Variants in PRKCZ observed in about 807,000 individuals in gnomAD.
PRKCZ encodes the protein protein kinase C zeta, also known as protein kinase C zeta type.
In PRKCZ, 33 loss-of-function variants were observed where a neutral mutation model predicts 79.5. The ratio of observed to expected loss-of-function variants is 0.41; its 90% confidence interval spans 0.31 to 0.55. The LOEUF (loss-of-function observed/expected upper bound fraction) is 0.55, where lower values mean the gene tolerates loss of function less well. PRKCZ is among the 20% of genes least tolerant of loss of function. The pLI, the probability that PRKCZ is intolerant of heterozygous loss-of-function variation, is 0.19. For missense variants in PRKCZ, 578 were observed against 813.5 expected (o/e 0.71, Z 3.52); for synonymous variants, 342 against 320.9 (o/e 1.07, Z -0.70).
intron 4 of PRKCZ, among the ~76,000 whole-genome samples, chr1:2,076,562 AG>A (rs1662458025): frequency 6.6e-6 from 1 of 152,058 alleles, no homozygotes; most frequent in South Asian, 2.1e-4. Context: ...GCCAACATGG[AG>A]AAACCCCGGC....
At chr1:2,141,345 C>CTTTT (rs144339432) in intron 5 of PRKCZ, 1 of 123,570 alleles carries the variant, frequency 8.1e-6, no homozygotes, top group African/African-American at 3.2e-5. Context: ...TTTTCTTTTT[C>CTTTT]TTTTTTTTTT....
chr1:2,053,929 G>A (rs1419585219), intron 1 of PRKCZ, among the ~76,000 whole-genome samples: 1 of 152,178 alleles, frequency 6.6e-6, no homozygotes, highest in Non-Finnish European at 1.5e-5. Flanking sequence ...GGGCACTGGG[G>A]GCAGGTGCTG....
chr1:2,169,404 G>A, intron 10 of PRKCZ, 114 bp from the exon 11 acceptor site: 3 of 893,360 alleles, frequency 3.4e-6, no homozygotes, highest in Non-Finnish European at 5.4e-6. Context: ...CTCTTTGCAA[G>A]ACTGAACCTG....
At chr1:2,103,343 A>G (rs570803133) in intron 4 of PRKCZ, among the ~76,000 whole-genome samples, 1 of 152,360 alleles carries the variant, frequency 6.6e-6, no homozygotes, top group East Asian at 1.9e-4. Flanking sequence ...CTGCCGCAGT[A>G]GTAAGGGTTT....
At position 2,098,743 on chromosome 1, in the gene PRKCZ, G is replaced by A. The variant is rs187796196; in HGVS notation, c.335-36519G>A. ...GTCGCCCAGGCTGGAGTGCAGTGGC[G>A]TGATCTCGGCTCACTGCGAGCTCCA... On this transcript the variant is annotated intron_variant, in intron 4 of 17. Transcript: ENST00000378567. Among the ~76,000 whole-genome samples the A allele has an allele frequency of 3.3e-3, 495 of 152,176 alleles. 1 individual carries two copies. The highest frequency in any genetic ancestry group is 0.011 in the African/African-American group (467 of 41,492).
intron 4 of PRKCZ, among the ~76,000 whole-genome samples, chr1:2,130,352 T>A (rs769394620): frequency 2.0e-5 from 3 of 152,162 alleles, no homozygotes; most frequent in Non-Finnish European, 4.4e-5. Flanking sequence ...CTGGGGGTAT[T>A]GGGTGTCCTG....
chr1:2,164,662 C>G (rs1682983555), intron 10 of PRKCZ, among the ~76,000 whole-genome samples: 1 of 152,256 alleles, frequency 6.6e-6, no homozygotes, highest in Admixed American at 6.5e-5. Context: ...GGCGTCTGAT[C>G]TCTAGCTTCC....
intron 4 of PRKCZ, among the ~76,000 whole-genome samples, chr1:2,087,175 C>T (rs540189141): frequency 3.9e-5 from 6 of 152,158 alleles, no homozygotes; most frequent in African/African-American, 1.2e-4. Context: ...CACTGCCTCC[C>T]GGGTTCAATT....
In PRKCZ at chr1:2,127,763, G is replaced by A. The variant is rs1674230274; in HGVS notation, c.335-7499G>A. ...ATTGTCCCTGGCAGCCCCTGGCCAG[G>A]GTGGCCCAGTGCCCACTATAGAGGG... On this transcript the variant is annotated intron_variant, in intron 4 of 17. Transcript: ENST00000378567. This position sits in a 1 kb window ranked among gnomAD's most constrained non-coding sequence, Gnocchi z 5.1. 6.6e-6 allele frequency among the ~76,000 whole-genome samples: 1 copy of A among 152,178 alleles called. No homozygotes were observed. The highest frequency in any genetic ancestry group is 1.5e-5 in the Non-Finnish European group (1 of 68,036).
At chr1:2,145,687 G>A (rs534180009) in intron 6 of PRKCZ, among the ~76,000 whole-genome samples, 4 of 152,180 alleles carry the variant, frequency 2.6e-5, no homozygotes, top group Non-Finnish European at 5.9e-5. Context: ...GCCAAGGTGG[G>A]AAGATCACTT....
intron 4 of PRKCZ, 77 bp downstream of exon 4, chr1:2,059,668 CAGT>C: frequency 1.3e-6 from 2 of 1,582,978 alleles, no homozygotes; most frequent in South Asian, 1.1e-5. Context: ...ACGGAGGTGG[CAGT>C]GGTGCCGTTT....
At chr1:2,104,014 G>A (rs534880481) in intron 4 of PRKCZ, among the ~76,000 whole-genome samples, 45 of 152,208 alleles carry the variant, frequency 3.0e-4, no homozygotes, top group Non-Finnish European at 4.4e-4. Context: ...TGACAGCACC[G>A]CACGCAGACG....
chr1:2,064,545 G>A (rs2102268175), intron 4 of PRKCZ, among the ~76,000 whole-genome samples: 1 of 152,306 alleles, frequency 6.6e-6, no homozygotes, highest in South Asian at 2.1e-4. Flanking sequence ...ATTTTTGTAT[G>A]TGGTGTAAGG....
intron 4 of PRKCZ, among the ~76,000 whole-genome samples, chr1:2,069,779 T>G (rs1172554715): frequency 1.3e-5 from 2 of 152,286 alleles, no homozygotes; most frequent in East Asian, 3.9e-4. Context: ...GGGTGGATGC[T>G]ATAGGCAGCA....
At chr1:2,066,116 A>G (rs1211253402) in intron 4 of PRKCZ, among the ~76,000 whole-genome samples, 1 of 152,208 alleles carries the variant, frequency 6.6e-6, no homozygotes, top group African/African-American at 2.4e-5. Flanking sequence ...CTGTGTTAAT[A>G]AAGGATAATT....
At position 2,165,714 on chromosome 1, in the gene PRKCZ, C is replaced by T. The variant is rs967773367; in HGVS notation, c.975-3804C>T. Among the ~76,000 whole-genome samples the T allele has an allele frequency of 1.3e-5, 2 of 152,184 alleles. No individual in the cohort carries two copies. Among genetic ancestry groups the T allele is most frequent in the African/African-American group, 2.4e-5 (1 of 41,440 alleles). ...CTTTCTGTACACACATGGTGGTGGC[C>T]CGCCCGGACCCATCTGGTTAATTCT... is the stretch of plus-strand genomic sequence containing the variant. On this transcript the variant is annotated intron_variant, in intron 10 of 17. Coordinates refer to ENST00000378567, the MANE Select transcript of PRKCZ (RefSeq NM_002744.6). The surrounding 1 kb of genome is among the most constrained non-coding windows in gnomAD (Gnocchi z 4.1).
At chr1:2,118,079 C>A (rs1259561312) in intron 4 of PRKCZ, among the ~76,000 whole-genome samples, 1 of 144,364 alleles carries the variant, frequency 6.9e-6, no homozygotes, top group African/African-American at 2.6e-5. Flanking sequence ...GCACTGCAAC[C>A]TCCGCCTCCC....
chr1:2,118,258 A>C (rs537148980), intron 4 of PRKCZ, among the ~76,000 whole-genome samples: 1 of 151,786 alleles, frequency 6.6e-6, no homozygotes, highest in Non-Finnish European at 1.5e-5. Context: ...TGGCCTCCCA[A>C]AGTGCTGGGA....
chr1:2,127,254 C>T lies in PRKCZ; in HGVS notation c.335-8008C>T, dbSNP rs1259136044. ...CGTCTTCTGTGACTTTAGTGTTATT[C>T]TTCAGTCACCTTTAAAAGCATAGCA... On this transcript the variant is annotated intron_variant, in intron 4 of 17. Coordinates refer to ENST00000378567, the MANE Select transcript of PRKCZ (RefSeq NM_002744.6). This position sits in a 1 kb window ranked among gnomAD's most constrained non-coding sequence, Gnocchi z 5.1. Among the ~76,000 whole-genome samples the T allele has an allele frequency of 6.6e-6, 1 of 152,234 alleles. No individual in the cohort carries two copies. The highest frequency in any genetic ancestry group is 1.5e-5 in the Non-Finnish European group (1 of 68,046).
Sources: gnomAD v4.1 joint callset for allele counts (sites outside exome capture counted in the v4.1 genomes callset) on GRCh38, gnomAD v4.1.1 for gene constraint, Gnocchi (gnomAD v3.1) non-coding constraint, MANE v1.5 for transcripts, NCBI Gene and HGNC (gene_info 2026-07-23, HGNC 2026-07-21) for gene names.